The following CLDN14 variants were observed in gnomAD, a reference collection of about 807,000 sequenced individuals.
CLDN14 encodes claudin 14.
In CLDN14, 2 loss-of-function variants were observed where a neutral mutation model predicts 2.1. That is an observed-to-expected ratio of 0.96 (90% CI 0.39 to 3.01). The LOEUF is 3.01. Among genes scored for constraint, CLDN14 ranks in the 30% most tolerant of loss-of-function variants. CLDN14 has a pLI of 0.09. For synonymous variants in CLDN14, 136 were observed against 154.4 expected (o/e 0.88, Z 0.88); for missense variants, 298 against 328.0 (o/e 0.91, Z 0.71).
At chr21:36,565,021 C>T (rs1262227003) in intron 1 of CLDN14, among the ~76,000 whole-genome samples, 1 of 152,208 alleles carries the variant, frequency 6.6e-6, no homozygotes, top group Admixed American at 6.5e-5. Context: ...CATTTCTGAC[C>T]TCTAGAACTG....
At chr21:36,566,989 T>C (rs1337170322) in intron 1 of CLDN14, among the ~76,000 whole-genome samples, 3 of 152,174 alleles carry the variant, frequency 2.0e-5, no homozygotes, top group African/African-American at 7.2e-5. Context: ...AAGTTTGGGA[T>C]AAAAGGAAAA....
rs754677688 is a variant in CLDN14, at chr21:36,460,943, C to T, written c.*33G>A. ...ACAGTCCCGCCGGGGACCCAGCCCA[C>T]AGCAGCCCAGGGGAGAAGCAGGCTG... On this transcript the variant is annotated 3_prime_UTR_variant, in exon 2 of 2. Coordinates refer to ENST00000399135, the MANE Select transcript of CLDN14 (RefSeq NM_001146079.2). This position sits in a 1 kb window ranked among gnomAD's most constrained non-coding sequence, Gnocchi z 4.0. 3 of 1,605,580 alleles carry T rather than the reference C, an allele frequency of 1.9e-6. No homozygotes were observed. Among genetic ancestry groups the T allele is most frequent in the Non-Finnish European group, 2.6e-6 (3 of 1,176,320 alleles).
intron 2 of CLDN14, chr21:36,485,969 C>T (rs7277324): frequency 7.1e-7 from 1 of 1,409,682 alleles, no homozygotes; most frequent in Non-Finnish European, 9.9e-7. Flanking sequence ...CTCAGCTACC[C>T]TTTCCCTCCA....
intron 1 of CLDN14, among the ~76,000 whole-genome samples, chr21:36,517,648 G>T (rs1037889194): frequency 6.6e-6 from 1 of 152,178 alleles, no homozygotes; most frequent in Non-Finnish European, 1.5e-5. Flanking sequence ...GGCAATGTTG[G>T]ATACAGTCCT....
At chr21:36,493,880 C>T (rs1315977384) in intron 2 of CLDN14, among the ~76,000 whole-genome samples, 1 of 152,174 alleles carries the variant, frequency 6.6e-6, no homozygotes, top group African/African-American at 2.4e-5. Context: ...GACCCAGGAT[C>T]CTCATGTGTT....
intron 1 of CLDN14, among the ~76,000 whole-genome samples, chr21:36,538,396 A>C (rs1461112209): frequency 6.6e-6 from 1 of 152,156 alleles, no homozygotes; most frequent in African/African-American, 2.4e-5. Flanking sequence ...ACAGCGGATC[A>C]CAAGGTCAAG....
chr21:36,488,653 C>A (rs962024205), intron 2 of CLDN14, among the ~76,000 whole-genome samples: 1 of 24,858 alleles, frequency 4.0e-5, no homozygotes, highest in Non-Finnish European at 8.3e-5. Flanking sequence ...GGGCTGAGGG[C>A]GGGGGGGTGG....
At chr21:36,484,928 T>A (rs1601604050), upstream of CLDN14, among the ~76,000 whole-genome samples, 1 of 151,768 alleles carries the variant, frequency 6.6e-6, no homozygotes, top group Admixed American at 6.6e-5. Context: ...GTCAGGCTGG[T>A]CTCAAACTCC....
chr21:36,536,118 T>C (rs1458320892), intron 1 of CLDN14, among the ~76,000 whole-genome samples: 1 of 151,976 alleles, frequency 6.6e-6, no homozygotes, highest in Non-Finnish European at 1.5e-5. Flanking sequence ...TGTGGGGAGG[T>C]TGTTGGATGA....
chr21:36,515,049 C>G (rs530931494), intron 1 of CLDN14, among the ~76,000 whole-genome samples: 1 of 152,210 alleles, frequency 6.6e-6, no homozygotes, highest in East Asian at 1.9e-4. Flanking sequence ...AAACCAAAAC[C>G]CTTGAAAACA....
At position 36,573,128 on chromosome 21, in the gene CLDN14, C is replaced by T. The variant is rs575779628; in HGVS notation, c.-220+3283G>A. ...CATCCTGGCTAACATGGTGAAACTC[C>T]GTCTCTACTAAAAATACAAAAAATT... On this transcript the variant is annotated intron_variant, in intron 1 of 2. Coordinates refer to the CLDN14 transcript ENST00000342108. 7.2e-5 allele frequency among the ~76,000 whole-genome samples: 11 copies of T among 151,920 alleles called. No homozygotes were observed. In the South Asian group the frequency reaches 1.9e-3, roughly 26 times the overall value.
At chr21:36,488,275 C>CCT in intron 2 of CLDN14, among the ~76,000 whole-genome samples, 1 of 25,388 alleles carries the variant, frequency 3.9e-5, no homozygotes, top group Non-Finnish European at 8.1e-5. Context: ...CCTTCCTTCC[C>CCT]TCTCTCTTTC....
At chr21:36,467,577 T>C (rs2086662100) in intron 1 of CLDN14, among the ~76,000 whole-genome samples, 1 of 151,992 alleles carries the variant, frequency 6.6e-6, no homozygotes, top group Non-Finnish European at 1.5e-5. Context: ...GCCAAAGTGA[T>C]TTTACTGCAA....
chr21:36,473,814 G>T (rs2086739929), intron 1 of CLDN14, among the ~76,000 whole-genome samples: 1 of 152,246 alleles, frequency 6.6e-6, no homozygotes, highest in Non-Finnish European at 1.5e-5. Context: ...CCAGCCACGG[G>T]CTGTAGGAAT....
intron 2 of CLDN14, among the ~76,000 whole-genome samples, chr21:36,509,120 C>G (rs1281081306): frequency 1.3e-5 from 2 of 152,198 alleles, no homozygotes; most frequent in African/African-American, 4.8e-5. Context: ...TATCCTGTCT[C>G]CACCTGGCCC....
chr21:36,535,251 G>T (rs2146505139), intron 1 of CLDN14, among the ~76,000 whole-genome samples: 1 of 152,254 alleles, frequency 6.6e-6, no homozygotes, highest in South Asian at 2.1e-4. Flanking sequence ...TTAGCTGGGG[G>T]TGGTGGCAGG....
At chr21:36,472,341 T>A (rs1486570267) in intron 1 of CLDN14, among the ~76,000 whole-genome samples, 2 of 152,172 alleles carry the variant, frequency 1.3e-5, no homozygotes, top group African/African-American at 4.8e-5. Context: ...CACAGGTGCC[T>A]AAGGTTATTG....
intron 2 of CLDN14, among the ~76,000 whole-genome samples, chr21:36,485,335 A>T (rs911753524): frequency 6.6e-6 from 1 of 151,682 alleles, no homozygotes; most frequent in Non-Finnish European, 1.5e-5. Context: ...CAGCCTCCCA[A>T]GTAGCTGGGA....
intron 1 of CLDN14, among the ~76,000 whole-genome samples, chr21:36,516,745 G>T (rs918214045): frequency 1.3e-5 from 2 of 152,210 alleles, no homozygotes; most frequent in African/African-American, 4.8e-5. Context: ...TCAATTCTTA[G>T]CTGGACACAC....
Sources: allele counts gnomAD v4.1 joint callset (sites outside exome capture counted in the v4.1 genomes callset), GRCh38; gene constraint gnomAD v4.1.1; non-coding constraint Gnocchi (gnomAD v3.1); transcripts MANE v1.5; gene names NCBI Gene and HGNC (gene_info 2026-07-23, HGNC 2026-07-21).